The following ITPR1 variants were observed in gnomAD, a reference collection of about 807,000 sequenced individuals.
ITPR1 encodes inositol 1,4,5-trisphosphate-gated calcium channel ITPR1.
In ITPR1, 96 loss-of-function variants were observed where a neutral mutation model predicts 318.4. The observed-to-expected ratio is 0.30, with a 90% CI of 0.26 to 0.36. ITPR1 has a LOEUF of 0.36. ITPR1 is among the 10% of genes least tolerant of loss of function. The pLI is 1.00. For synonymous variants in ITPR1, 1,312 were observed against 1,289.9 expected (o/e 1.02, Z -0.37); for missense variants, 2,440 against 3,460.2 (o/e 0.71, Z 7.40).
At chr3:4,728,116 G>A (rs1341538645) in intron 42 of ITPR1, among the ~76,000 whole-genome samples, 1 of 152,242 alleles carries the variant, frequency 6.6e-6, no homozygotes, top group Admixed American at 6.5e-5. Context: ...ATGAAGAAAT[G>A]AATGAATGTG....
intron 42 of ITPR1, among the ~76,000 whole-genome samples, chr3:4,728,462 TG>T (rs2042679799): frequency 6.6e-6 from 1 of 152,180 alleles, no homozygotes; most frequent in Non-Finnish European, 1.5e-5. Context: ...TTTATTTTTG[TG>T]GGTACATAGT....
chr3:4,505,471 G>C (rs1575336825), intron 2 of ITPR1, among the ~76,000 whole-genome samples: 1 of 152,208 alleles, frequency 6.6e-6, no homozygotes, highest in East Asian at 1.9e-4. Context: ...GGGATGACAG[G>C]CATGAGTCAC....
Position 4,642,098 on chromosome 3 carries a change from G to A in ITPR1, c.372G>A (p.Leu124=), listed in dbSNP as rs2093352251. The A allele has an allele frequency of 1.9e-6, 3 of 1,583,512 alleles. No homozygotes were observed. The highest frequency in any genetic ancestry group is 1.7e-4 in the Middle Eastern group (1 of 5,894). ...TTCTCTTGGTGGGTTTTTAGCTCCTGCATTTGAAAAGTAATAAATACCTAA... is the reference window on the plus strand; with the variant it reads ...TTCTCTTGGTGGGTTTTTAGCTCCTACATTTGAAAAGTAATAAATACCTAA... The part of the protein sequence containing the change: ...VIQYGNVIQL[L]HLKSNKYLTV... Residue 124 remains leucine (L), a synonymous_variant, in exon 7 of 62, where the codon CTG becomes CTA. Transcript: ENST00000649015.
chr3:4,775,643 A>G (rs2046437307), intron 47 of ITPR1, among the ~76,000 whole-genome samples: 1 of 152,204 alleles, frequency 6.6e-6, no homozygotes, highest in Non-Finnish European at 1.5e-5. Flanking sequence ...CATTGGAGGG[A>G]CAGTCCATGG....
chr3:4,704,510 C>G (rs2094718291), intron 36 of ITPR1, among the ~76,000 whole-genome samples: 1 of 152,164 alleles, frequency 6.6e-6, no homozygotes, highest in African/African-American at 2.4e-5. Flanking sequence ...CAATACACTT[C>G]TGCAGCAAAC....
Position 4,779,745 on chromosome 3 carries a change from CCAA to C in ITPR1, c.6387+101_6387+103del. On this transcript the variant is annotated intron_variant, in intron 49 of 61. Coordinates refer to ENST00000649015, the MANE Select transcript of ITPR1 (RefSeq NM_001378452.1). This position sits in a 1 kb window ranked among gnomAD's most constrained non-coding sequence, Gnocchi z 4.0. ...CTTCCTGGAGCTTTCTTGAAGGTTC[CCAA>C]AGTCAGAAGTATAAAGGGAACATTG... The C allele has an allele frequency of 1.3e-6, 1 of 772,788 alleles. No individual in the cohort carries two copies. Among genetic ancestry groups the C allele is most frequent in the Non-Finnish European group, 2.2e-6 (1 of 452,840 alleles). 47.9% of individuals were successfully genotyped at this position (772,788 alleles called of 1,614,324 possible).
At chr3:4,668,674 G>A (rs1004553105) in intron 18 of ITPR1, among the ~76,000 whole-genome samples, 1 of 152,010 alleles carries the variant, frequency 6.6e-6, no homozygotes, top group Non-Finnish European at 1.5e-5. Flanking sequence ...CACCATATTG[G>A]CCAGGCTGGT....
intron 2 of ITPR1, among the ~76,000 whole-genome samples, chr3:4,498,255 A>C (rs1448522243): frequency 6.6e-6 from 1 of 152,242 alleles, no homozygotes; most frequent in Non-Finnish European, 1.5e-5. Flanking sequence ...GTATTAAGGG[A>C]GTACTCAGGT....
intron 5 of ITPR1, among the ~76,000 whole-genome samples, chr3:4,632,152 T>C (rs894156398): frequency 2.0e-5 from 3 of 152,186 alleles, no homozygotes; most frequent in Non-Finnish European, 4.4e-5. Context: ...GCTGGGAACA[T>C]GGGAATCTAG....
At chr3:4,566,267 C>A (rs1032280861) in intron 4 of ITPR1, among the ~76,000 whole-genome samples, 3 of 152,268 alleles carry the variant, frequency 2.0e-5, no homozygotes, top group Non-Finnish European at 1.5e-5. Context: ...CTTCTAAGAG[C>A]CACCCTCAAC....
intron 5 of ITPR1, among the ~76,000 whole-genome samples, chr3:4,635,318 C>G (rs1188779049): frequency 2.6e-5 from 4 of 152,162 alleles, no homozygotes; most frequent in Non-Finnish European, 5.9e-5. Flanking sequence ...GGTGCTAACT[C>G]AGTAAAGGTA....
chr3:4,582,707 G>A (rs1349376693), intron 4 of ITPR1, among the ~76,000 whole-genome samples: 1 of 152,152 alleles, frequency 6.6e-6, no homozygotes, highest in Non-Finnish European at 1.5e-5. Context: ...TCTCTTTATG[G>A]CTGTGAAAGT....
intron 4 of ITPR1, among the ~76,000 whole-genome samples, chr3:4,572,301 A>C (rs893961589): frequency 1.3e-5 from 2 of 152,098 alleles, no homozygotes; most frequent in Admixed American, 6.5e-5. Flanking sequence ...CCTCCTCATA[A>C]TTTGCCTCTC....
At chr3:4,498,391 A>G (rs891749636) in intron 2 of ITPR1, among the ~76,000 whole-genome samples, 1 of 152,142 alleles carries the variant, frequency 6.6e-6, no homozygotes, top group Admixed American at 6.6e-5. Context: ...AGGCCCTGAG[A>G]TAGGAGTGTT....
At chr3:4,693,785 G>A (rs530053384) in intron 33 of ITPR1, 44 bp downstream of exon 33, 1 of 1,575,704 alleles carries the variant, frequency 6.3e-7, no homozygotes, top group South Asian at 1.1e-5. Flanking sequence ...TTGCTATGTG[G>A]TGTGTGCTGT....
intron 37 of ITPR1, among the ~76,000 whole-genome samples, chr3:4,708,567 C>T (rs745698450): frequency 1.4e-4 from 21 of 152,344 alleles, no homozygotes; most frequent in South Asian, 1.2e-3. Context: ...TTGTAGACTC[C>T]TCACTCCATG....
At chr3:4,740,595 CA>C (rs2043628807) in intron 44 of ITPR1, among the ~76,000 whole-genome samples, 1 of 152,202 alleles carries the variant, frequency 6.6e-6, no homozygotes, top group Non-Finnish European at 1.5e-5. Flanking sequence ...AAGCCAAATA[CA>C]GGTTACTTCC....
intron 44 of ITPR1, among the ~76,000 whole-genome samples, chr3:4,760,443 A>G (rs2045357157): frequency 6.6e-6 from 1 of 152,202 alleles, no homozygotes; most frequent in Admixed American, 6.5e-5. Flanking sequence ...TTGTGATATA[A>G]TTGACATATA....
intron 4 of ITPR1, among the ~76,000 whole-genome samples, chr3:4,579,438 ATAGAT>A (rs2089057915): frequency 6.6e-6 from 1 of 152,222 alleles, no homozygotes; most frequent in Non-Finnish European, 1.5e-5. Flanking sequence ...ATTGAAAATA[ATAGAT>A]TAGAGGAAGT....
Sources: allele counts gnomAD v4.1 joint callset (sites outside exome capture counted in the v4.1 genomes callset), GRCh38; gene constraint gnomAD v4.1.1; non-coding constraint Gnocchi (gnomAD v3.1); transcripts MANE v1.5; gene names NCBI Gene and HGNC (gene_info 2026-07-23, HGNC 2026-07-21).